The following DHPS variants were observed in gnomAD, a reference collection of about 807,000 sequenced individuals.
The protein encoded by DHPS is deoxyhypusine synthase, also known as migration-inducing gene 13.
A neutral mutation model predicts 38.7 loss-of-function variants in DHPS; 24 were observed. The ratio of observed to expected loss-of-function variants is 0.62; its 90% CI spans 0.45 to 0.87. DHPS has a LOEUF of 0.87. DHPS is among the 40% of genes least tolerant of loss of function. The pLI is 0.00. For synonymous variants in DHPS, 250 were observed against 204.4 expected (o/e 1.22, Z -1.90); for missense variants, 510 against 497.6 (o/e 1.02, Z -0.24).
downstream of DHPS, among the ~76,000 whole-genome samples, chr19:12,675,066 A>ATGGC (rs1207654513): frequency 6.6e-6 from 1 of 151,490 alleles, no homozygotes; most frequent in East Asian, 1.9e-4. Flanking sequence ...GTGAGCCCAG[A>ATGGC]TGGCGCCACT....
intron 1 of DHPS, chr19:12,681,357 A>G (rs928485807): frequency 1.2e-5 from 12 of 991,990 alleles, no homozygotes; most frequent in Non-Finnish European, 1.6e-5. Flanking sequence ...AGGTTACCGT[A>G]CCAGCATGTA....
intron 1 of DHPS, 140 bp from the exon 2 acceptor site, chr19:12,680,465 C>T (rs2024768713): frequency 1.2e-6 from 1 of 806,960 alleles, no homozygotes; most frequent in South Asian, 1.6e-5. Flanking sequence ...GACCAAGGAA[C>T]ATCTCCTGTG....
chr19:12,677,198 G>C lies in DHPS; in HGVS notation c.798C>G (p.Ile266Met). The change falls in exon 7 of 9, where the codon ATC becomes ATG. Residue 266 changes from isoleucine to methionine, a missense_variant. Coordinates refer to ENST00000210060, the MANE Select transcript of DHPS (RefSeq NM_001930.4). ...VLDIVEDLRLINTQAIFAKCT... is the reference protein window; with the variant it reads ...VLDIVEDLRLMNTQAIFAKCT... ...ACTTGGCAAAGATGGCCTGTGTGTT[G>C]ATGAGCCTCAGGTCTGGGGGAAGAG... is the stretch of plus-strand genomic sequence containing the variant. The C allele has an allele frequency of 6.2e-7, 1 of 1,614,218 alleles. No homozygotes were observed. The highest frequency in any genetic ancestry group is 2.2e-5 in the East Asian group (1 of 44,880).
intron 5 of DHPS, 38 bp from the exon 6 acceptor site, chr19:12,677,434 AGCCTC>A (rs1159886238): frequency 3.3e-5 from 51 of 1,566,062 alleles, no homozygotes; most frequent in Non-Finnish European, 4.4e-5. Context: ...TGGAGCTCAG[AGCCTC>A]GTCTCCATGC....
chr19:12,673,276 G>A (rs748948108), downstream of DHPS: 19 of 1,614,080 alleles, frequency 1.2e-5, no homozygotes, highest in Non-Finnish European at 1.5e-5. Flanking sequence ...GTGGTCAGCT[G>A]TTCTGAGGAC....
rs945505122 is a variant in DHPS at position 12,679,506 on chromosome 19, A to G, written c.629T>C (p.Leu210Pro). 6.2e-7 allele frequency: 1 copy of G among 1,614,156 alleles called. No individual in the cohort carries two copies. Among genetic ancestry groups the G allele is most frequent in the Non-Finnish European group, 8.5e-7 (1 of 1,180,026 alleles). ...CTCTGGGTTGTTGATCTCCTTGCCCAGCCGGGCGATCATCTTAGAAGGCGT... is the reference window on the plus strand; with the variant it reads ...CTCTGGGTTGTTGATCTCCTTGCCCGGCCGGGCGATCATCTTAGAAGGCGT... ...KWTPSKMIAR[L>P]GKEINNPESV... The change falls in exon 5 of 9, where the codon CTG (leucine) becomes CCG (proline). Residue 210 changes from leucine (L) to proline (P), a missense_variant. Physicochemically the swap from Leu to Pro is moderately conservative, Grantham distance 98. Coordinates refer to ENST00000210060, the MANE Select transcript of DHPS (RefSeq NM_001930.4).
At chr19:12,674,984 C>T (rs1329357548), downstream of DHPS, among the ~76,000 whole-genome samples, 3 of 151,984 alleles carry the variant, frequency 2.0e-5, no homozygotes, top group Non-Finnish European at 2.9e-5. Flanking sequence ...CATGGTAGCG[C>T]GTGCCTGTAA....
At chr19:12,675,656 A>G, downstream of DHPS, 1 of 1,601,060 alleles carries the variant, frequency 6.2e-7, no homozygotes, top group Non-Finnish European at 8.5e-7. Flanking sequence ...TATGAGGCAG[A>G]GGATGGAGCA....
At chr19:12,681,127 C>T in intron 1 of DHPS, 1 of 1,278,236 alleles carries the variant, frequency 7.8e-7, no homozygotes, top group Non-Finnish European at 1.0e-6. Context: ...CCACCGCGCC[C>T]AGCCAGCCCC....
downstream of DHPS, among the ~76,000 whole-genome samples, chr19:12,675,185 G>C (rs1416397131): frequency 6.6e-6 from 1 of 152,162 alleles, no homozygotes; most frequent in Non-Finnish European, 1.5e-5. Context: ...CTAGCACTTT[G>C]GGAGGCCAAG....
At position 12,680,342 on chromosome 19, in the gene DHPS, A is replaced by C. The variant is rs763190383; in HGVS notation, c.208-17T>G. ...CTTCTCGATCTGTGAGTAAGGGCCA[A>C]GTCAAGTTAAGCACTGGCCTTAAAT... On this transcript the variant is annotated splice_polypyrimidine_tract_variant and intron_variant, in intron 1 of 8. Coordinates refer to ENST00000210060, the MANE Select transcript of DHPS (RefSeq NM_001930.4). 5.6e-6 allele frequency: 9 copies of C among 1,613,786 alleles called. No individual in the cohort carries two copies. Among genetic ancestry groups the C allele is most frequent in the Non-Finnish European group, 7.6e-6 (9 of 1,179,872 alleles).
chr19:12,675,902 AG>A lies in DHPS; in HGVS notation c.1045del (p.Leu349CysfsTer37), dbSNP rs1326361357. The stretch of plus-strand genomic sequence containing the variant: ...CTGGGCAAAGGTTTCAGCCACAAGC[AG>A]GGGGAAGACCAGGGAGGCGTCAGCA... ...VYADASLVFPLLVAETFAQKM... is the reference protein window; with the variant it reads ...VYADASLVFPXLVAETFAQKM... On this transcript the variant is annotated frameshift_variant, in exon 9 of 9. Transcript: ENST00000210060. LOFTEE classifies it high-confidence loss of function. 1 of 1,610,190 alleles carries A rather than the reference AG, an allele frequency of 6.2e-7. No individual in the cohort carries two copies. The highest frequency in any genetic ancestry group is 8.5e-7 in the Non-Finnish European group (1 of 1,178,094).
chr19:12,676,176 A>G (rs2024580437), intron 7 of DHPS, 34 bp from the exon 8 acceptor site: 2 of 1,560,718 alleles, frequency 1.3e-6, no homozygotes, highest in Non-Finnish European at 1.7e-6. Context: ...GGGCCCAGTC[A>G]GCCAGTCACA....
downstream of DHPS, chr19:12,675,493 G>A: frequency 6.3e-7 from 1 of 1,597,178 alleles, no homozygotes; most frequent in Non-Finnish European, 8.5e-7. Flanking sequence ...CCCAGCCACA[G>A]ATAACCACTC....
In DHPS at chr19:12,679,456, C is replaced by T; in HGVS notation, c.678+1G>A. ...TACTTTGCTCCCGCTTAGGTCCTCA[C>T]CTTCTGGGCCCAGTAATACACGGAC... On this transcript the variant is annotated splice_donor_variant, in intron 5 of 8. Transcript: ENST00000210060. LOFTEE classifies it high-confidence loss of function. 6.2e-7 allele frequency: 1 copy of T among 1,614,218 alleles called. No individual in the cohort carries two copies. The highest frequency in any genetic ancestry group is 8.5e-7 in the Non-Finnish European group (1 of 1,180,028).
Position 12,679,554 on chromosome 19 carries a change from A to T in DHPS, c.592-11T>A, listed in dbSNP as rs1274213813. ...CGTCCACTTTACACCCTAGGAGAGG[A>T]TGTGACCTTCAGGCCATGCCTCCCC... is the stretch of plus-strand genomic sequence containing the variant. On this transcript the variant is annotated splice_polypyrimidine_tract_variant and intron_variant, in intron 4 of 8. Coordinates refer to ENST00000210060, the MANE Select transcript of DHPS (RefSeq NM_001930.4). 1 of 1,613,998 alleles carries T rather than the reference A, an allele frequency of 6.2e-7. No individual in the cohort carries two copies. The highest frequency in any genetic ancestry group is 1.7e-5 in the Admixed American group (1 of 60,012).
At chr19:12,677,974 C>T (rs2024673728) in intron 5 of DHPS, among the ~76,000 whole-genome samples, 1 of 146,660 alleles carries the variant, frequency 6.8e-6, no homozygotes, top group Non-Finnish European at 1.5e-5. Context: ...AGCTTGTGGC[C>T]GGGCGCGGTG....
chr19:12,676,432 A>C (rs1599378564), intron 7 of DHPS: 1 of 375,144 alleles, frequency 2.7e-6, no homozygotes, highest in Non-Finnish European at 4.9e-6. Flanking sequence ...AAATCCAACC[A>C]CCGCCTGCCT....
chr19:12,678,552 T>TGCC (rs2024691373), intron 5 of DHPS, among the ~76,000 whole-genome samples: 1 of 150,374 alleles, frequency 6.7e-6, no homozygotes, highest in Non-Finnish European at 1.5e-5. Flanking sequence ...GGTGGATCAC[T>TGCC]TGAGGTCAGG....
Sources: allele counts gnomAD v4.1 joint callset (sites outside exome capture counted in the v4.1 genomes callset), GRCh38; gene constraint gnomAD v4.1.1; transcripts MANE v1.5; gene names NCBI Gene and HGNC (gene_info 2026-07-23, HGNC 2026-07-21).